UNC5D: variants seen among roughly 807,000 people sequenced by gnomAD.
UNC5D encodes unc-5 netrin receptor D, also known as netrin receptor UNC5D.
In UNC5D, 39 loss-of-function variants were observed where a neutral mutation model predicts 105.4. That is an observed-to-expected ratio of 0.37 (90% confidence interval 0.29 to 0.48). UNC5D has a LOEUF of 0.48. UNC5D is among the 20% of genes least tolerant of loss of function. UNC5D has a pLI of 0.98. For missense variants in UNC5D, 991 were observed against 1,202.4 expected (o/e 0.82, Z 2.60); for synonymous variants, 452 against 450.4 (o/e 1.00, Z -0.04).
In UNC5D at chr8:35,728,821, A is replaced by T. The variant is rs142339510; in HGVS notation, c.1682-2191A>T. 6.7e-3 allele frequency among the ~76,000 whole-genome samples: 1,020 copies of T among 152,310 alleles called. 8 individuals carry two copies. The highest frequency in any genetic ancestry group is 0.014 in the Middle Eastern group (4 of 294). On this transcript the variant is annotated intron_variant, in intron 10 of 16. Coordinates refer to ENST00000404895, the MANE Select transcript of UNC5D (RefSeq NM_080872.4). The stretch of plus-strand genomic sequence containing the variant: ...AGACTGGTGCTTCTGTGGTCATATC[A>T]AATAAAAGGCTGTCAGGGTAGCAGG...
chr8:35,717,618 T>C (rs1434250268), intron 8 of UNC5D, among the ~76,000 whole-genome samples: 1 of 152,172 alleles, frequency 6.6e-6, no homozygotes, highest in African/African-American at 2.4e-5. Context: ...TTAGAGACTT[T>C]CTGAAAGGAG....
chr8:35,331,448 G>A (rs370327127), intron 1 of UNC5D, among the ~76,000 whole-genome samples: 35 of 152,240 alleles, frequency 2.3e-4, no homozygotes, highest in African/African-American at 7.9e-4. Context: ...AGCTTCAAGA[G>A]CACCCTCTGA....
chr8:35,716,580 T>C (rs185441192), intron 8 of UNC5D, among the ~76,000 whole-genome samples: 2 of 152,324 alleles, frequency 1.3e-5, no homozygotes, highest in Admixed American at 1.3e-4. Flanking sequence ...TAGAAGGTTG[T>C]TGGAAGATTA....
chr8:35,690,985 T>G (rs553967196), intron 7 of UNC5D, among the ~76,000 whole-genome samples: 1 of 152,330 alleles, frequency 6.6e-6, no homozygotes, highest in East Asian at 1.9e-4. Context: ...ATGACCTACA[T>G]GTCTTTGATT....
At chr8:35,467,820 A>T (rs1215186889) in intron 1 of UNC5D, among the ~76,000 whole-genome samples, 1 of 152,164 alleles carries the variant, frequency 6.6e-6, no homozygotes, top group Non-Finnish European at 1.5e-5. Context: ...TGTGTTTCTG[A>T]TAACGAAAAG....
chr8:35,465,734 G>T (rs1809257304), intron 1 of UNC5D, among the ~76,000 whole-genome samples: 1 of 152,114 alleles, frequency 6.6e-6, no homozygotes, highest in Non-Finnish European at 1.5e-5. Context: ...TGGACTTGAA[G>T]TTGCTACTCA....
rs1218746187 is a variant in UNC5D at position 35,248,700 on chromosome 8, A to T, written c.103+12813A>T. Among the ~76,000 whole-genome samples, 3 of 96,384 alleles carry T rather than the reference A, an allele frequency of 3.1e-5. No homozygotes were observed. The Admixed American group carries it at 4.8e-4, about 15-fold the overall frequency. 63.2% of individuals were successfully genotyped at this position (96,384 alleles called of 152,430 possible). ...ATATAATATATATAAAATATATAAA[A>T]ATATATAATATATATAAAATATATA... On this transcript the variant is annotated intron_variant, in intron 1 of 16. Transcript: ENST00000404895.
Position 35,444,622 on chromosome 8 carries a change from C to T in UNC5D, c.104-104670C>T, listed in dbSNP as rs1433003647. Reference sequence around the variant, plus strand: ...AGAAAACACTCATGCCTTCATTAATCCTAGCCTTAGGAAGATCAATGGCAA... The same window carrying T: ...AGAAAACACTCATGCCTTCATTAATTCTAGCCTTAGGAAGATCAATGGCAA... On this transcript the variant is annotated intron_variant, in intron 1 of 16. Transcript: ENST00000404895. 3.3e-5 allele frequency among the ~76,000 whole-genome samples: 5 copies of T among 151,960 alleles called. No individual in the cohort carries two copies. In the East Asian group the frequency reaches 9.7e-4, roughly 29 times the overall value.
In UNC5D at chr8:35,263,388, G is replaced by A. The variant is rs370115141; in HGVS notation, c.103+27501G>A. Among the ~76,000 whole-genome samples, 5 of 152,120 alleles carry A rather than the reference G, an allele frequency of 3.3e-5. No homozygotes were observed. In the East Asian group the frequency reaches 5.8e-4, roughly 18 times the overall value. On this transcript the variant is annotated intron_variant, in intron 1 of 16. Coordinates refer to ENST00000404895, the MANE Select transcript of UNC5D (RefSeq NM_080872.4). Reference sequence around the variant, plus strand: ...TGTAGCACATGATACTTAATAAATTGTTATTTTTCTTAATTAAAAGCATTT... The same window carrying A: ...TGTAGCACATGATACTTAATAAATTATTATTTTTCTTAATTAAAAGCATTT...
chr8:35,549,238 G>A, intron 1 of UNC5D, 54 bp from the exon 2 acceptor site: 1 of 1,561,778 alleles, frequency 6.4e-7, no homozygotes. Flanking sequence ...ATTGTGTCCT[G>A]GTGTATGTGC....
intron 1 of UNC5D, among the ~76,000 whole-genome samples, chr8:35,516,405 T>G (rs922861817): frequency 2.6e-5 from 4 of 152,218 alleles, no homozygotes; most frequent in African/African-American, 9.6e-5. Context: ...TTTGTACTTC[T>G]CACAGCTCGT....
chr8:35,314,558 A>C (rs1809139214), intron 1 of UNC5D, among the ~76,000 whole-genome samples: 1 of 104,952 alleles, frequency 9.5e-6, no homozygotes, highest in Non-Finnish European at 2.0e-5. Flanking sequence ...AATAAAATGT[A>C]ATAGGAATAT....
At chr8:35,487,882 G>A (rs1408929831) in intron 1 of UNC5D, among the ~76,000 whole-genome samples, 2 of 152,140 alleles carry the variant, frequency 1.3e-5, no homozygotes, top group Non-Finnish European at 2.9e-5. Flanking sequence ...GTTGTTAAAC[G>A]GCAAAGGACT....
chr8:35,582,671 A>G (rs540310379), intron 3 of UNC5D, among the ~76,000 whole-genome samples: 5 of 152,210 alleles, frequency 3.3e-5, no homozygotes, highest in Non-Finnish European at 7.3e-5. Context: ...TAATGTGATT[A>G]AATTGTTTTT....
intron 4 of UNC5D, among the ~76,000 whole-genome samples, chr8:35,628,769 A>G (rs1821852090): frequency 6.6e-6 from 1 of 152,216 alleles, no homozygotes; most frequent in Non-Finnish European, 1.5e-5. Context: ...AGTTAGTTTA[A>G]TGCTTATCAT....
At chr8:35,682,531 CAA>C (rs1227471922) in intron 4 of UNC5D, among the ~76,000 whole-genome samples, 1 of 152,094 alleles carries the variant, frequency 6.6e-6, no homozygotes, top group African/African-American at 2.4e-5. Context: ...TGTTGTCAAA[CAA>C]GAGATGTGTC....
chr8:35,578,944 A>G (rs1818292543), intron 3 of UNC5D, among the ~76,000 whole-genome samples: 1 of 152,224 alleles, frequency 6.6e-6, no homozygotes, highest in Non-Finnish European at 1.5e-5. Context: ...ATTTGCAGAA[A>G]TATAGCTACC....
chr8:35,702,478 A>AGGT (rs1213508599), intron 7 of UNC5D, among the ~76,000 whole-genome samples: 2 of 152,136 alleles, frequency 1.3e-5, no homozygotes, highest in African/African-American at 4.8e-5. Flanking sequence ...ACCAAGAACC[A>AGGT]TGGCCCTAAT....
chr8:35,578,819 C>A (rs1818281951), intron 3 of UNC5D, among the ~76,000 whole-genome samples: 1 of 152,154 alleles, frequency 6.6e-6, no homozygotes, highest in Admixed American at 6.5e-5. Flanking sequence ...AAGACGGGAA[C>A]CACTAAGGCA....
Sources: allele counts gnomAD v4.1 joint callset (sites outside exome capture counted in the v4.1 genomes callset), GRCh38; gene constraint gnomAD v4.1.1; transcripts MANE v1.5; gene names NCBI Gene and HGNC (gene_info 2026-07-23, HGNC 2026-07-21).